Variants in VWCE observed in about 807,000 individuals in gnomAD.
VWCE encodes the protein von Willebrand factor C and EGF domain-containing protein.
Under a neutral mutation model 102.9 loss-of-function variants are expected in VWCE, and 68 were observed. That is an observed-to-expected ratio of 0.66 (90% CI 0.54 to 0.81). The LOEUF (loss-of-function observed/expected upper bound fraction) is 0.81, where lower values mean the gene tolerates loss of function less well. Ranked by LOEUF, VWCE falls within the 30% of genes least tolerant of loss-of-function variation. The probability of loss-of-function intolerance (pLI) is 0.00; values close to 1 mark genes in which losing one functional copy is unlikely to be tolerated. For missense variants in VWCE, 1,137 were observed against 1,263.6 expected, an observed-to-expected ratio of 0.90 and a Z score of 1.52; for synonymous variants, 497 against 515.4, an observed-to-expected ratio of 0.96 and a Z score of 0.48.
At chr11:61,292,401 T>C (rs1049841568) in intron 1 of VWCE, among the ~76,000 whole-genome samples, 16 of 152,230 alleles carry the variant, frequency 1.1e-4, no homozygotes, top group Non-Finnish European at 2.2e-4. Flanking sequence ...TTTTAATTTA[T>C]TAATTCATTG....
At chr11:61,284,702 C>A (rs1158697462) in intron 5 of VWCE, among the ~76,000 whole-genome samples, 1 of 152,128 alleles carries the variant, frequency 6.6e-6, no homozygotes, top group Non-Finnish European at 1.5e-5. Flanking sequence ...AATCCCAGCA[C>A]TTCAGGAGGC....
Position 61,273,175 on chromosome 11 carries a change from C to T in VWCE, c.1699+24G>A, listed in dbSNP as rs191438210. The T allele has an allele frequency of 4.4e-5, 71 of 1,611,192 alleles. No individual in the cohort carries two copies. In the Admixed American group the frequency reaches 7.5e-4, roughly 17 times the overall value. ...TCTCCCCAGTATCCATGCCCTGTGT[C>T]GGGGCAGCCCTGGACCAGCTCACCT... On this transcript the variant is annotated intron_variant, in intron 13 of 19. Coordinates refer to ENST00000335613, the MANE Select transcript of VWCE (RefSeq NM_152718.2).
In VWCE at chr11:61,280,320, T is replaced by C. The variant is rs1855078503; in HGVS notation, c.1324+304A>G. On this transcript the variant is annotated intron_variant, in intron 9 of 19. Transcript: ENST00000335613. ...ATGAGCGAATGAAGCTGAAAACAGA[T>C]GCCCAGAAGATGAAAAGTCCCCCTT... Among the ~76,000 whole-genome samples the C allele has an allele frequency of 3.3e-5, 5 of 152,236 alleles. No individual in the cohort carries two copies. In the South Asian group the frequency reaches 6.2e-4, roughly 19 times the overall value.
At chr11:61,280,002 C>A (rs1565225444) in intron 9 of VWCE, among the ~76,000 whole-genome samples, 2 of 152,200 alleles carry the variant, frequency 1.3e-5, no homozygotes, top group Non-Finnish European at 2.9e-5. Flanking sequence ...GCTGGGATTA[C>A]AGGCTTGAGC....
Position 61,278,406 on chromosome 11 carries a change from G to A in VWCE, c.1395C>T (p.Val465=). Residue 465 remains valine (V), a synonymous_variant, in exon 10 of 20, where the codon GTC becomes GTT. Transcript: ENST00000335613. Reference sequence around the variant, plus strand: ...TTGTGACGCTTACCAGACAGACACAGACGGTGCAGTTCTCATTGGGAGGTG... The same window carrying A: ...TTGTGACGCTTACCAGACAGACACAAACGGTGCAGTTCTCATTGGGAGGTG... ...VFSPPNENCT[V]CVCLAGNVSC... The A allele has an allele frequency of 6.2e-7, 1 of 1,614,184 alleles. No individual in the cohort carries two copies.
intron 16 of VWCE, among the ~76,000 whole-genome samples, chr11:61,266,876 G>C (rs1317171579): frequency 6.6e-6 from 1 of 152,224 alleles, no homozygotes; most frequent in African/African-American, 2.4e-5. Flanking sequence ...CTGGGTTTGT[G>C]CGTTTCACCT....
rs139436182 is a variant in VWCE, at chr11:61,281,090, G to A, written c.933C>T (p.Ala311=). 147 of 1,609,686 alleles carry A rather than the reference G, an allele frequency of 9.1e-5. No individual in the cohort carries two copies. In the African/African-American group the frequency reaches 1.6e-3, roughly 17 times the overall value. Residue 311 remains alanine (A), a synonymous_variant, in exon 8 of 20, where the codon GCC becomes GCT. Transcript: ENST00000335613. The stretch of plus-strand genomic sequence containing the variant: ...ATGGCAGGCGGGTGGTCCTGACTCC[G>A]GCTGGGGGCCCTGGAGCCCCAGAAG... ...SPPSGAPGPP[A]GVRTTRLPSP...
Position 61,265,210 on chromosome 11 carries a change from C to T in VWCE, c.1968G>A (p.Leu656=), listed in dbSNP as rs1334179581. The change falls in exon 17 of 20, where the codon CTG becomes CTA. Residue 656 remains leucine, a splice_region_variant and synonymous_variant. Coordinates refer to ENST00000335613, the MANE Select transcript of VWCE (RefSeq NM_152718.2). ...LDPCLSCICL[L]GSVACSPVDC... Reference sequence around the variant, plus strand: ...CCACGGGGGAACAGGCCACTGAGCCCAGCTGCAGGACACAGAAAACACACA... The same window carrying T: ...CCACGGGGGAACAGGCCACTGAGCCTAGCTGCAGGACACAGAAAACACACA... 2.7e-6 allele frequency: 4 copies of T among 1,478,548 alleles called. No individual in the cohort carries two copies. The Admixed American group carries it at 1.0e-4, about 37-fold the overall frequency. 91.6% of individuals were successfully genotyped at this position (1,478,548 alleles called of 1,614,324 possible). A position where few individuals can be genotyped will look rare whatever the true frequency, so the allele number is the denominator to read the frequency against.
intron 14 of VWCE, chr11:61,269,275 T>C (rs1854603122): frequency 2.1e-6 from 1 of 487,326 alleles, no homozygotes; most frequent in African/African-American, 1.9e-5. Flanking sequence ...CCGCTTCCTG[T>C]AGCAGCCAAA....
At chr11:61,293,241 CAA>C (rs764741197) in intron 1 of VWCE, among the ~76,000 whole-genome samples, 3 of 18,050 alleles carry the variant, frequency 1.7e-4, no homozygotes, top group Non-Finnish European at 2.4e-4. Flanking sequence ...AACTCCATCT[CAA>C]AAAAAAAAAA....
At chr11:61,269,281 C>T in intron 14 of VWCE, 1 of 480,446 alleles carries the variant, frequency 2.1e-6, no homozygotes, top group South Asian at 2.3e-5. Flanking sequence ...CCTGTAGCAG[C>T]CAAAGCCTGC....
intron 4 of VWCE, among the ~76,000 whole-genome samples, chr11:61,288,209 A>G (rs1855395313): frequency 6.6e-6 from 1 of 151,336 alleles, no homozygotes; most frequent in African/African-American, 2.4e-5. Context: ...GACTAAATCC[A>G]AGTAGTACTT....
chr11:61,267,408 T>A, intron 16 of VWCE, 54 bp downstream of exon 16: 3 of 1,555,166 alleles, frequency 1.9e-6, no homozygotes, highest in Non-Finnish European at 2.7e-6. Context: ...CAGGAGCCGA[T>A]GTCAGTTGTG....
Position 61,290,959 on chromosome 11 carries a change from C to T in VWCE, c.296-32G>A, listed in dbSNP as rs117833487. On this transcript the variant is annotated intron_variant, in intron 3 of 19. Transcript: ENST00000335613. ...CAGGCATCACACCAGTGAGCATGCA[C>T]CCCGTGGCAGTCCCAACCATCCCCA... 1.9e-3 allele frequency: 3,031 copies of T among 1,597,316 alleles called. 40 individuals are homozygous for T. In the East Asian group the frequency reaches 0.038, roughly 20 times the overall value.
At chr11:61,276,313 G>T (rs1204956500) in intron 11 of VWCE, among the ~76,000 whole-genome samples, 1 of 151,890 alleles carries the variant, frequency 6.6e-6, no homozygotes, top group South Asian at 2.1e-4. Flanking sequence ...TACTCCGGAG[G>T]CTCAGGCAGG....
intron 4 of VWCE, among the ~76,000 whole-genome samples, chr11:61,286,711 GA>G (rs1299927349): frequency 6.6e-6 from 1 of 152,108 alleles, no homozygotes; most frequent in Non-Finnish European, 1.5e-5. Flanking sequence ...TGAGGCAGGA[GA>G]ATCGCTTGAA....
chr11:61,270,825 C>CTTTTT (rs1243630767), intron 14 of VWCE, among the ~76,000 whole-genome samples: 1 of 134,252 alleles, frequency 7.4e-6, no homozygotes, highest in Non-Finnish European at 1.6e-5. Context: ...GTTACACACA[C>CTTTTT]TTTTTTTTTT....
chr11:61,264,604 G>T, intron 18 of VWCE, 27 bp from the exon 19 acceptor site: 1 of 1,589,068 alleles, frequency 6.3e-7, no homozygotes. Context: ...AACCCCATGA[G>T]GAAGCCCAGA....
intron 11 of VWCE, among the ~76,000 whole-genome samples, chr11:61,275,291 C>T (rs2134784008): frequency 6.6e-6 from 1 of 152,272 alleles, no homozygotes; most frequent in African/African-American, 2.4e-5. Context: ...GAAAAAACAG[C>T]CTTAGAAACT....
Sources: gnomAD v4.1 joint callset for allele counts (sites outside exome capture counted in the v4.1 genomes callset) on GRCh38, gnomAD v4.1.1 for gene constraint, MANE v1.5 for transcripts, NCBI Gene and HGNC (gene_info 2026-07-23, HGNC 2026-07-21) for gene names.